NRG1: variants seen among roughly 807,000 people sequenced by gnomAD.
NRG1 encodes neuregulin 1.
A neutral mutation model predicts 63.8 loss-of-function variants in NRG1; 18 were observed. That is an observed-to-expected ratio of 0.28 (90% CI 0.19 to 0.42). The LOEUF (loss-of-function observed/expected upper bound fraction) is 0.42, where lower values mean the gene tolerates loss of function less well. NRG1 is among the 10% of genes least tolerant of loss of function. NRG1 has a pLI of 1.00. For synonymous variants in NRG1, 302 were observed against 301.3 expected (o/e 1.00, Z -0.02); for missense variants, 762 against 814.7 (o/e 0.94, Z 0.79).
At chr8:32,227,518 C>T (rs1846456911) in intron 1 of NRG1, among the ~76,000 whole-genome samples, 1 of 152,170 alleles carries the variant, frequency 6.6e-6, no homozygotes, top group Non-Finnish European at 1.5e-5. Flanking sequence ...TAGAGGTAAA[C>T]TGTTAAAGTC....
intron 1 of NRG1, among the ~76,000 whole-genome samples, chr8:32,164,074 CTCTT>C (rs1312052182): frequency 2.0e-5 from 3 of 152,182 alleles, no homozygotes; most frequent in Non-Finnish European, 2.9e-5. Flanking sequence ...TTTGTTCTCT[CTCTT>C]TTCCCCTCAC....
intron 5 of NRG1, among the ~76,000 whole-genome samples, chr8:32,718,247 G>A (rs1819744714): frequency 6.6e-6 from 1 of 152,174 alleles, no homozygotes; most frequent in East Asian, 1.9e-4. Context: ...TGTGTGATAA[G>A]CAGTTTGAAT....
At chr8:32,058,057 AC>A (rs5890616) in intron 1 of NRG1, among the ~76,000 whole-genome samples, 130,652 of 152,050 alleles carry the variant, frequency 0.86, 59,337 homozygotes, top group East Asian at 1. Flanking sequence ...AATTATACCG[AC>A]TTGATCTTTA....
chr8:32,063,806 C>G (rs761731700), intron 1 of NRG1, among the ~76,000 whole-genome samples: 2 of 152,038 alleles, frequency 1.3e-5, no homozygotes, highest in African/African-American at 4.8e-5. Context: ...CCCTACAACT[C>G]ATAATTAACT....
chr8:32,326,078 A>T (rs10102763), intron 1 of NRG1, among the ~76,000 whole-genome samples: 28,497 of 149,002 alleles, frequency 0.19, 3,045 homozygotes, highest in Middle Eastern at 0.32. Context: ...GGCGTGATCT[A>T]GGCTCACTGC....
intron 5 of NRG1, among the ~76,000 whole-genome samples, chr8:32,630,705 T>C (rs1850114868): frequency 6.6e-6 from 1 of 151,818 alleles, no homozygotes; most frequent in Non-Finnish European, 1.5e-5. Flanking sequence ...TATGTTTCAA[T>C]TGACTTATTT....
At position 32,427,400 on chromosome 8, in the gene NRG1, G is replaced by A. The variant is rs548003012; in HGVS notation, c.38-168428G>A. ...AATTATCCTTCCTGCGATCACAGCT[G>A]CTCAGAGCCTCTTCTTACCAATTTA... On this transcript the variant is annotated intron_variant, in intron 1 of 10. Coordinates refer to the NRG1 transcript ENST00000519301. Among the ~76,000 whole-genome samples the A allele has an allele frequency of 2.9e-3, 437 of 152,212 alleles. 4 individuals carry two copies. The highest frequency in any genetic ancestry group is 9.7e-3 in the African/African-American group (404 of 41,536).
At chr8:32,443,967 A>G (rs1819900218) in intron 1 of NRG1, among the ~76,000 whole-genome samples, 1 of 151,944 alleles carries the variant, frequency 6.6e-6, no homozygotes, top group Non-Finnish European at 1.5e-5. Flanking sequence ...AAGATATACA[A>G]TACAATTTCC....
intron 1 of NRG1, among the ~76,000 whole-genome samples, chr8:32,101,059 A>G (rs1830508662): frequency 6.6e-6 from 1 of 152,094 alleles, no homozygotes; most frequent in African/African-American, 2.4e-5. Context: ...ATTTTCCGGC[A>G]TCTCATTTCT....
chr8:32,582,937 G>A (rs1284724657), intron 1 of NRG1, among the ~76,000 whole-genome samples: 2 of 152,012 alleles, frequency 1.3e-5, no homozygotes, highest in Non-Finnish European at 2.9e-5. Context: ...TTTCTTCCTG[G>A]CCTTCCTGGT....
chr8:32,039,652 A>G (rs769226553), intron 1 of NRG1, among the ~76,000 whole-genome samples: 5 of 152,214 alleles, frequency 3.3e-5, no homozygotes, highest in Non-Finnish European at 7.3e-5. Context: ...ATTGAATTTA[A>G]CAAACATTAT....
chr8:32,323,610 A>G (rs1246058026), intron 1 of NRG1, among the ~76,000 whole-genome samples: 1 of 152,250 alleles, frequency 6.6e-6, no homozygotes, highest in Non-Finnish European at 1.5e-5. Context: ...GTCATAGGTT[A>G]TCACTGTACA....
chr8:31,871,037 C>T (rs1371949725), intron 1 of NRG1, among the ~76,000 whole-genome samples: 4 of 149,506 alleles, frequency 2.7e-5, no homozygotes, highest in Non-Finnish European at 4.4e-5. Flanking sequence ...GAGTCTCACT[C>T]TGTCACCAGG....
intron 5 of NRG1, among the ~76,000 whole-genome samples, chr8:32,709,841 A>G (rs2128979530): frequency 6.6e-6 from 1 of 152,304 alleles, no homozygotes; most frequent in African/African-American, 2.4e-5. Flanking sequence ...ATTTAGTAAA[A>G]AATCAACGGA....
chr8:31,983,921 T>C (rs1245316121), intron 1 of NRG1, among the ~76,000 whole-genome samples: 1 of 152,080 alleles, frequency 6.6e-6, no homozygotes, highest in African/African-American at 2.4e-5. Context: ...AAGAAGAATG[T>C]CGAAGACCAA....
chr8:31,748,462 T>C (rs1816117265), intron 1 of NRG1, among the ~76,000 whole-genome samples: 1 of 151,912 alleles, frequency 6.6e-6, no homozygotes, highest in African/African-American at 2.4e-5. Context: ...CTTTAACTAT[T>C]TCACATTTTG....
At chr8:31,937,358 GA>G (rs1389655016) in intron 1 of NRG1, among the ~76,000 whole-genome samples, 1 of 151,940 alleles carries the variant, frequency 6.6e-6, no homozygotes, top group Non-Finnish European at 1.5e-5. Flanking sequence ...AGGGGAAAAA[GA>G]AAAAGATATT....
At chr8:32,269,874 G>A (rs1412401121) in intron 1 of NRG1, among the ~76,000 whole-genome samples, 1 of 152,138 alleles carries the variant, frequency 6.6e-6, no homozygotes, top group East Asian at 1.9e-4. Context: ...ACGATAAAAT[G>A]GACCTTTTGC....
intron 1 of NRG1, among the ~76,000 whole-genome samples, chr8:32,080,977 TG>T (rs1827381159): frequency 6.6e-6 from 1 of 152,120 alleles, no homozygotes; most frequent in Admixed American, 6.6e-5. Flanking sequence ...CTCTCTTGTT[TG>T]GGGAGAGGTC....
Sources: gnomAD v4.1 joint callset for allele counts (sites outside exome capture counted in the v4.1 genomes callset) on GRCh38, gnomAD v4.1.1 for gene constraint, MANE v1.5 for transcripts, NCBI Gene and HGNC (gene_info 2026-07-23, HGNC 2026-07-21) for gene names.